Variants in ZYG11B observed in about 807,000 individuals in gnomAD.
ZYG11B encodes zyg-11 family member B, cell cycle regulator.
ZYG11B carries 36 observed loss-of-function variants against 82.4 expected under a neutral mutation model. The observed-to-expected ratio is 0.44, with a 90% CI of 0.33 to 0.58. ZYG11B has a LOEUF of 0.58. Among genes scored for constraint, ZYG11B ranks in the 20% least tolerant of loss-of-function variants. ZYG11B has a pLI of 0.02. For synonymous variants in ZYG11B, 303 were observed against 312.8 expected (o/e 0.97, Z 0.33); for missense variants, 552 against 895.6 (o/e 0.62, Z 4.90).
intron 2 of ZYG11B, among the ~76,000 whole-genome samples, chr1:52,764,816 A>G (rs1028320228): frequency 6.6e-6 from 1 of 152,150 alleles, no homozygotes; most frequent in South Asian, 2.1e-4. Context: ...AAGTGGTGAT[A>G]CTAGACTGAG....
Position 52,826,659 on chromosome 1 carries a change from G to T in ZYG11B, c.*5030G>T, listed in dbSNP as rs538926444. 7 of 152,158 alleles carry T rather than the reference G, an allele frequency of 4.6e-5. No homozygotes were observed. Among genetic ancestry groups the T allele is most frequent in the African/African-American group, 1.7e-4 (7 of 41,506 alleles). The allele number at this position is 152,158 out of a possible 1,614,324, so 9.4% of individuals were successfully genotyped here. A position where few individuals can be genotyped will look rare whatever the true frequency, so the allele number is the denominator to read the frequency against. On this transcript the variant is annotated 3_prime_UTR_variant, in exon 14 of 14. Coordinates refer to ENST00000294353, the MANE Select transcript of ZYG11B (RefSeq NM_024646.3). ...CTCCCCATTTTTTGGGGTAAGTTTT[G>T]CAAAGATCAGTGCTGCTTCTCATGA... is the stretch of plus-strand genomic sequence containing the variant.
chr1:52,775,701 A>C (rs1159141425), intron 3 of ZYG11B, among the ~76,000 whole-genome samples: 1 of 152,094 alleles, frequency 6.6e-6, no homozygotes, highest in African/African-American at 2.4e-5. Context: ...AAAAACAAAA[A>C]AACAACAACA....
intron 1 of ZYG11B, among the ~76,000 whole-genome samples, chr1:52,752,669 G>C (rs913247038): frequency 1.3e-5 from 2 of 152,160 alleles, no homozygotes; most frequent in African/African-American, 4.8e-5. Flanking sequence ...ACTTGTGACT[G>C]GCACCTGCAG....
chr1:52,740,360 T>C (rs1162237352), intron 1 of ZYG11B, among the ~76,000 whole-genome samples: 2 of 152,202 alleles, frequency 1.3e-5, no homozygotes, highest in East Asian at 3.9e-4. Context: ...CCACTTGCCA[T>C]AGTGGCCAGG....
intron 1 of ZYG11B, among the ~76,000 whole-genome samples, chr1:52,747,350 G>GC (rs1296837938): frequency 1.3e-5 from 2 of 150,126 alleles, no homozygotes; most frequent in African/African-American, 4.9e-5. Context: ...CTAATCCATA[G>GC]CATCATCACC....
intron 6 of ZYG11B, among the ~76,000 whole-genome samples, chr1:52,791,031 G>A (rs1013469092): frequency 6.6e-6 from 1 of 151,700 alleles, no homozygotes; most frequent in Non-Finnish European, 1.5e-5. Flanking sequence ...GAGTGCAGTG[G>A]TGCAATCTCA....
chr1:52,824,172 G>A lies in ZYG11B; in HGVS notation c.*2543G>A, dbSNP rs1391112659. The A allele has an allele frequency of 6.6e-6, 1 of 150,466 alleles. No individual in the cohort carries two copies. Among genetic ancestry groups the A allele is most frequent in the Non-Finnish European group, 1.5e-5 (1 of 67,648 alleles). 9.3% of individuals were successfully genotyped at this position (150,466 alleles called of 1,614,324 possible). On this transcript the variant is annotated 3_prime_UTR_variant, in exon 14 of 14. Coordinates refer to ENST00000294353, the MANE Select transcript of ZYG11B (RefSeq NM_024646.3). ...TAAACTTCCTACTTTTTTTCTTTTT[G>A]TAGAGACAGAGTTTCACTCTGTCGC... is the stretch of plus-strand genomic sequence containing the variant.
Position 52,771,469 on chromosome 1 carries a change from A to G in ZYG11B, c.646A>G (p.Met216Val), listed in dbSNP as rs1167089294. Residue 216 changes from methionine (M) to valine (V), a missense_variant, in exon 3 of 14, where the codon ATG (methionine) becomes GTG (valine). Physicochemically the swap from Met to Val is conservative, Grantham distance 21 (BLOSUM62 1). This residue lies in a region of ZYG11B where 359 missense variants were observed against 555.8 expected (regional missense o/e 0.65). Coordinates refer to ENST00000294353, the MANE Select transcript of ZYG11B (RefSeq NM_024646.3). This position sits in a 1 kb window ranked among gnomAD's most constrained non-coding sequence, Gnocchi z 5.4. Reference sequence around the variant, plus strand: ...CAAAGACCGACTCAAGTCTCTAACCATGCACCACTTGAAATGTTTAAAAAT... The same window carrying G: ...CAAAGACCGACTCAAGTCTCTAACCGTGCACCACTTGAAATGTTTAAAAAT... ...ACKDRLKSLT[M>V]HHLKCLKMTT... 2 of 1,613,592 alleles carry G rather than the reference A, an allele frequency of 1.2e-6. No individual in the cohort carries two copies. Among genetic ancestry groups the G allele is most frequent in the Admixed American group, 1.7e-5 (1 of 60,006 alleles).
intron 1 of ZYG11B, among the ~76,000 whole-genome samples, chr1:52,753,458 C>G (rs1464439046): frequency 6.8e-6 from 1 of 145,990 alleles, no homozygotes; most frequent in Non-Finnish European, 1.5e-5. Flanking sequence ...CTCGCTCTGT[C>G]ACCCAGGCTG....
intron 1 of ZYG11B, among the ~76,000 whole-genome samples, chr1:52,752,585 G>T (rs746701113): frequency 2.5e-4 from 38 of 152,216 alleles, no homozygotes; most frequent in Non-Finnish European, 4.6e-4. Flanking sequence ...TATCAAACAT[G>T]AGGCCCTCCT....
At chr1:52,801,540 C>CTGAA (rs201082545) in intron 8 of ZYG11B, among the ~76,000 whole-genome samples, 1 of 89,120 alleles carries the variant, frequency 1.1e-5, no homozygotes, top group Non-Finnish European at 1.9e-5. Flanking sequence ...TATGCTGTGA[C>CTGAA]TGAATAAGAT....
intron 2 of ZYG11B, among the ~76,000 whole-genome samples, chr1:52,770,659 C>G (rs1388047123): frequency 6.6e-6 from 1 of 152,176 alleles, no homozygotes; most frequent in Non-Finnish European, 1.5e-5. Flanking sequence ...CACTGGCTCT[C>G]AGGTGCTTCA....
intron 2 of ZYG11B, among the ~76,000 whole-genome samples, chr1:52,757,555 A>G (rs532842016): frequency 6.6e-6 from 1 of 151,952 alleles, no homozygotes; most frequent in South Asian, 2.1e-4. Context: ...CGTGCCTATA[A>G]TCTCAGCTAC....
chr1:52,753,785 G>A (rs1644546972), intron 1 of ZYG11B, among the ~76,000 whole-genome samples: 1 of 151,820 alleles, frequency 6.6e-6, no homozygotes, highest in African/African-American at 2.4e-5. Context: ...TAGTAGAGAT[G>A]GAGTTTCTCC....
At chr1:52,737,020 T>G (rs539753021) in intron 1 of ZYG11B, among the ~76,000 whole-genome samples, 7 of 151,932 alleles carry the variant, frequency 4.6e-5, no homozygotes, top group African/African-American at 1.7e-4. Context: ...CATTATGCTG[T>G]TTTTTGTGCC....
intron 1 of ZYG11B, among the ~76,000 whole-genome samples, chr1:52,734,763 T>G (rs1025147686): frequency 2.0e-5 from 3 of 152,078 alleles, no homozygotes; most frequent in African/African-American, 7.2e-5. Context: ...AGTTTCGCTC[T>G]TGTTGCCCAG....
chr1:52,799,807 A>G (rs1171928253), intron 8 of ZYG11B, among the ~76,000 whole-genome samples: 3 of 152,050 alleles, frequency 2.0e-5, no homozygotes, highest in Non-Finnish European at 4.4e-5. Flanking sequence ...AAAAAGAAGA[A>G]AAAGGAAAAA....
In ZYG11B at chr1:52,813,532, C is replaced by A; in HGVS notation, c.1696-4C>A. The A allele has an allele frequency of 6.4e-7, 1 of 1,563,424 alleles. No homozygotes were observed. The highest frequency in any genetic ancestry group is 8.7e-7 in the Non-Finnish European group (1 of 1,153,166). Reference sequence around the variant, plus strand: ...AATTTTTATATTTTCTTTTTTTTTTCCAGAACAATATAGCTGAAGTACAAG... The same window carrying A: ...AATTTTTATATTTTCTTTTTTTTTTACAGAACAATATAGCTGAAGTACAAG... On this transcript the variant is annotated splice_polypyrimidine_tract_variant and splice_region_variant and intron_variant, in intron 10 of 13. Coordinates refer to ENST00000294353, the MANE Select transcript of ZYG11B (RefSeq NM_024646.3).
At chr1:52,816,875 G>A (rs482189) in intron 13 of ZYG11B, among the ~76,000 whole-genome samples, 43,132 of 142,776 alleles carry the variant, frequency 0.3, 7,577 homozygotes, top group Admixed American at 0.46. Flanking sequence ...TGGAACCTCC[G>A]CCTCCTGGGT....
Sources: allele counts gnomAD v4.1 joint callset (sites outside exome capture counted in the v4.1 genomes callset), GRCh38; gene constraint gnomAD v4.1.1; regional missense constraint gnomAD v4.1.1; non-coding constraint Gnocchi (gnomAD v3.1); transcripts MANE v1.5; gene names NCBI Gene and HGNC (gene_info 2026-07-23, HGNC 2026-07-21).